Variants in GLE1 observed in about 807,000 individuals in gnomAD.
GLE1 encodes GLE1 RNA export mediator.
A neutral mutation model predicts 97.3 loss-of-function variants in GLE1; 78 were observed. The observed-to-expected ratio is 0.80, with a 90% CI of 0.67 to 0.97. GLE1 has a LOEUF of 0.97. GLE1 is among the 50% of genes least tolerant of loss of function. The pLI is 0.00. For missense variants in GLE1, 753 were observed against 857.5 expected, an observed-to-expected ratio of 0.88 and a Z score of 1.52; for synonymous variants, 302 against 313.4, an observed-to-expected ratio of 0.96 and a Z score of 0.39.
At chr9:128,525,066 A>G in intron 6 of GLE1, 126 bp from the exon 7 acceptor site, 1 of 734,738 alleles carries the variant, frequency 1.4e-6, no homozygotes. Context: ...GGAAAGAAGT[A>G]TCAATTCGTT....
At chr9:128,538,690 G>C (rs1847797806) in intron 13 of GLE1, among the ~76,000 whole-genome samples, 1 of 152,166 alleles carries the variant, frequency 6.6e-6, no homozygotes, top group South Asian at 2.1e-4. Context: ...CAGCTACCGA[G>C]GAGGCTGAGG....
Position 128,523,953 on chromosome 9 carries a change from G to T in GLE1, c.897+107G>T, listed in dbSNP as rs1847227561. 7 of 1,034,286 alleles carry T rather than the reference G, an allele frequency of 6.8e-6. No individual in the cohort carries two copies. In the South Asian group the frequency reaches 8.2e-5, roughly 12 times the overall value. The allele number at this position is 1,034,286 out of a possible 1,614,324, so 64.1% of individuals were successfully genotyped here. Reference sequence around the variant, plus strand: ...TAATACCTGCTATCTGCTTATTGGGGGAAATACCAAACATTACTTGTTATC... The same window carrying T: ...TAATACCTGCTATCTGCTTATTGGGTGAAATACCAAACATTACTTGTTATC... On this transcript the variant is annotated intron_variant, in intron 6 of 15. Coordinates refer to ENST00000309971, the MANE Select transcript of GLE1 (RefSeq NM_001003722.2).
At chr9:128,529,346 G>A (rs754790369) in intron 9 of GLE1, among the ~76,000 whole-genome samples, 4 of 152,158 alleles carry the variant, frequency 2.6e-5, no homozygotes, top group Non-Finnish European at 4.4e-5. Context: ...AGTCTCCTGT[G>A]TCACTGGATG....
At chr9:128,527,656 T>C in intron 9 of GLE1, 131 bp downstream of exon 9, 2 of 713,638 alleles carry the variant, frequency 2.8e-6, no homozygotes, top group Non-Finnish European at 5.1e-6. Flanking sequence ...CGGGTACATA[T>C]AAGTGACATA....
chr9:128,539,504 G>A, intron 13 of GLE1, 112 bp from the exon 14 acceptor site: 2 of 860,882 alleles, frequency 2.3e-6, no homozygotes, highest in Non-Finnish European at 3.9e-6. Context: ...TGGCATTGTG[G>A]TTGAAATTTT....
intron 2 of GLE1, among the ~76,000 whole-genome samples, chr9:128,511,122 T>G (rs1012687802): frequency 5.9e-5 from 9 of 151,326 alleles, no homozygotes; most frequent in Non-Finnish European, 1.0e-4. Flanking sequence ...TAGAATTGCT[T>G]GAACCCGGGA....
At chr9:128,528,003 CTTTTTTTT>C (rs754132202) in intron 9 of GLE1, among the ~76,000 whole-genome samples, 5 of 111,406 alleles carry the variant, frequency 4.5e-5, no homozygotes, top group Non-Finnish European at 7.1e-5. Context: ...TTCTTTTTTT[CTTTTTTTT>C]TTTTTTGAGA....
chr9:128,520,376 A>ATGTATATG (rs1343634552), intron 3 of GLE1, among the ~76,000 whole-genome samples: 1 of 144,646 alleles, frequency 6.9e-6, no homozygotes, highest in African/African-American at 2.5e-5. Context: ...ATATGTATAT[A>ATGTATATG]TGTATATGTG....
rs56214514 is a variant in GLE1 at position 128,504,725 on chromosome 9, C to G, written c.-81C>G. 7.4e-6 allele frequency: 7 copies of G among 950,204 alleles called. No individual in the cohort carries two copies. The highest frequency in any genetic ancestry group is 1.0e-5 in the Non-Finnish European group (6 of 583,470). The allele number at this position is 950,204 out of a possible 1,614,324, so 58.9% of individuals were successfully genotyped here. A position where few individuals can be genotyped will look rare whatever the true frequency, so the allele number is the denominator to read the frequency against. On this transcript the variant is annotated 5_prime_UTR_variant, in exon 1 of 16. Coordinates refer to ENST00000309971, the MANE Select transcript of GLE1 (RefSeq NM_001003722.2). ...GCGCGCGCGTCCCGGAAGCAGAAGC[C>G]TGTGTGGCCTTCCCGGCGGCTGATT...
intron 9 of GLE1, chr9:128,532,714 G>A: frequency 1.0e-6 from 1 of 959,088 alleles, no homozygotes; most frequent in Non-Finnish European, 1.2e-6. Flanking sequence ...CACTGCTTGT[G>A]AGTGTATGTG....
At chr9:128,527,390 C>T (rs1220271482) in intron 8 of GLE1, 66 bp from the exon 9 acceptor site, 3 of 1,313,892 alleles carry the variant, frequency 2.3e-6, no homozygotes, top group East Asian at 2.3e-5. Flanking sequence ...TGTCACTTTA[C>T]CTGATTCTAA....
chr9:128,533,236 C>T lies in GLE1; in HGVS notation c.1313-277C>T, dbSNP rs1358371688. The stretch of plus-strand genomic sequence containing the variant: ...GTCAGCAGTTAGAGACCAGCCTGGC[C>T]AACATGGTGAAATCCCATCTCTACA... On this transcript the variant is annotated intron_variant, in intron 9 of 15. Coordinates refer to ENST00000309971, the MANE Select transcript of GLE1 (RefSeq NM_001003722.2). 6.7e-5 allele frequency among the ~76,000 whole-genome samples: 10 copies of T among 149,766 alleles called. No individual in the cohort carries two copies. In the East Asian group the frequency reaches 7.8e-4, roughly 12 times the overall value.
At position 128,541,725 on chromosome 9, in the gene GLE1, A is replaced by T. The variant is rs541180986; in HGVS notation, c.*555A>T. ...GCTAGAGGAAGTATGTGATATACAC[A>T]TGGACTAAGGCTCAGGTGACACTAT... On this transcript the variant is annotated 3_prime_UTR_variant, in exon 16 of 16. Coordinates refer to ENST00000309971, the MANE Select transcript of GLE1 (RefSeq NM_001003722.2). The T allele has an allele frequency of 1.3e-5, 2 of 157,578 alleles. No individual in the cohort carries two copies. The highest frequency in any genetic ancestry group is 3.7e-4 in the South Asian group (2 of 5,360). 9.8% of individuals were successfully genotyped at this position (157,578 alleles called of 1,614,324 possible).
At chr9:128,540,803 G>A in intron 15 of GLE1, 1 of 446,918 alleles carries the variant, frequency 2.2e-6, no homozygotes, top group Middle Eastern at 6.5e-4. Context: ...AAGATAGCCT[G>A]CTGACTTTTC....
intron 9 of GLE1, among the ~76,000 whole-genome samples, chr9:128,533,260 CAA>C (rs368511588): frequency 3.9e-5 from 5 of 127,754 alleles, no homozygotes; most frequent in East Asian, 2.2e-4. Flanking sequence ...CCCATCTCTA[CAA>C]AAAAAAAAAA....
intron 9 of GLE1, among the ~76,000 whole-genome samples, chr9:128,528,612 C>A (rs1847383180): frequency 6.6e-6 from 1 of 152,124 alleles, no homozygotes; most frequent in Non-Finnish European, 1.5e-5. Flanking sequence ...CTTTTTGACT[C>A]ATTTTTAACA....
rs778518629 is a variant in GLE1 at position 128,540,263 on chromosome 9, C to T, written c.1965-12C>T. On this transcript the variant is annotated splice_polypyrimidine_tract_variant and intron_variant, in intron 14 of 15. Transcript: ENST00000309971. ...TCATAGGTGTGATTCATGTGTCTTT[C>T]TCTCCCTGTAGAATTGAAGCTATCA... 1.0e-5 allele frequency: 16 copies of T among 1,572,446 alleles called. No individual in the cohort carries two copies. In the South Asian group the frequency reaches 1.6e-4, roughly 15 times the overall value.
chr9:128,532,242 G>A (rs544575877), intron 9 of GLE1, among the ~76,000 whole-genome samples: 2 of 118,612 alleles, frequency 1.7e-5, no homozygotes, highest in Non-Finnish European at 3.3e-5. Flanking sequence ...TTTTTAGGGA[G>A]GAGATGGAGT....
intron 10 of GLE1, 42 bp downstream of exon 10, chr9:128,533,697 G>C: frequency 6.2e-7 from 1 of 1,612,122 alleles, no homozygotes; most frequent in Non-Finnish European, 8.5e-7. Flanking sequence ...GCAGAGGCTG[G>C]TGTACAAGAT....
Sources: gnomAD v4.1 joint callset for allele counts (sites outside exome capture counted in the v4.1 genomes callset) on GRCh38, gnomAD v4.1.1 for gene constraint, MANE v1.5 for transcripts, NCBI Gene and HGNC (gene_info 2026-07-23, HGNC 2026-07-21) for gene names.